PLCG2: variants seen among roughly 807,000 people sequenced by gnomAD.
PLCG2 encodes the protein phospholipase C gamma 2.
A neutral mutation model predicts 175.6 loss-of-function variants in PLCG2; 69 were observed. The observed-to-expected ratio is 0.39, with a 90% CI of 0.32 to 0.48. PLCG2 has a LOEUF of 0.48. PLCG2 is among the 20% of genes least tolerant of loss of function. The pLI is 0.91. For missense variants in PLCG2, 1,798 were observed against 1,650.9 expected (o/e 1.09, Z -1.54); for synonymous variants, 827 against 624.0 (o/e 1.33, Z -4.85).
At chr16:81,935,687 T>C in intron 26 of PLCG2, 5 of 985,356 alleles carry the variant, frequency 5.1e-6, no homozygotes, top group Non-Finnish European at 6.0e-6. Context: ...AGATGAGGCC[T>C]GTCCCCTTCC....
intron 1 of PLCG2, among the ~76,000 whole-genome samples, chr16:81,781,934 C>T (rs1404194459): frequency 6.1e-5 from 9 of 146,612 alleles, no homozygotes; most frequent in Non-Finnish European, 1.3e-4. Flanking sequence ...TGCAGTGGCG[C>T]GATCTCGGCT....
chr16:81,917,783 G>A (rs1214190332), intron 19 of PLCG2, among the ~76,000 whole-genome samples: 4 of 152,282 alleles, frequency 2.6e-5, no homozygotes, highest in Non-Finnish European at 4.4e-5. Flanking sequence ...GTGCAGTGGT[G>A]TGATCTCAGC....
At chr16:81,831,496 A>AG (rs1905257637) in intron 2 of PLCG2, among the ~76,000 whole-genome samples, 1 of 152,072 alleles carries the variant, frequency 6.6e-6, no homozygotes, top group Non-Finnish European at 1.5e-5. Flanking sequence ...GGCCCTCTCT[A>AG]TTTGTCTCAG....
At chr16:81,929,084 G>A (rs958304871) in intron 24 of PLCG2, among the ~76,000 whole-genome samples, 1 of 152,180 alleles carries the variant, frequency 6.6e-6, no homozygotes, top group Admixed American at 6.5e-5. Flanking sequence ...CTCGGCTGGG[G>A]CCCAGGAAAC....
At chr16:81,915,359 C>T (rs1008033304) in intron 19 of PLCG2, among the ~76,000 whole-genome samples, 13 of 152,202 alleles carry the variant, frequency 8.5e-5, no homozygotes, top group African/African-American at 3.1e-4. Context: ...GGAGAAACAC[C>T]TGCTTTCAAA....
intron 2 of PLCG2, among the ~76,000 whole-genome samples, chr16:81,786,400 A>G (rs1259434340): frequency 6.6e-6 from 1 of 152,216 alleles, no homozygotes; most frequent in African/African-American, 2.4e-5. Flanking sequence ...GAAAGAACTG[A>G]AGCTGAGGTC....
At chr16:81,934,360 A>G (rs1910622559) in intron 25 of PLCG2, 69 bp from the exon 26 acceptor site, 4 of 953,752 alleles carry the variant, frequency 4.2e-6, no homozygotes, top group Non-Finnish European at 5.1e-6. Flanking sequence ...GGAGGAGGAA[A>G]AATGCAGGGC....
intron 9 of PLCG2, among the ~76,000 whole-genome samples, chr16:81,883,815 A>G (rs1291905919): frequency 6.6e-6 from 1 of 152,214 alleles, no homozygotes; most frequent in Non-Finnish European, 1.5e-5. Flanking sequence ...TGCCTGGGAC[A>G]GTCTCCCTGG....
chr16:81,923,469 T>G lies in PLCG2; in HGVS notation c.2308-16T>G. The G allele has an allele frequency of 6.4e-7, 1 of 1,568,142 alleles. No homozygotes were observed. The stretch of plus-strand genomic sequence containing the variant: ...TGTCCCTGGCCTGACCTTTTCCTTC[T>G]TGTTTTCCCTGAAAGCCTCAGAGAA... On this transcript the variant is annotated splice_polypyrimidine_tract_variant and intron_variant, in intron 21 of 32. Transcript: ENST00000564138.
upstream of PLCG2, among the ~76,000 whole-genome samples, chr16:81,777,991 T>G (rs575507722): frequency 1.1e-5 from 1 of 94,378 alleles, no homozygotes; most frequent in Admixed American, 1.4e-4. Flanking sequence ...CACTCCAGCC[T>G]GGGCAAGAGA....
rs146038728 is a variant in PLCG2 at position 81,780,704 on chromosome 16, A to T, written c.-48+1280A>T. Among the ~76,000 whole-genome samples the T allele has an allele frequency of 6.6e-5, 10 of 152,318 alleles. No individual in the cohort carries two copies. In the Middle Eastern group the frequency reaches 0.014, roughly 207 times the overall value. ...CTTTTGCACTCATTGGGTAGAGTCA[A>T]TGAAAAGCTGCTGGTGAGAAAACTT... On this transcript the variant is annotated intron_variant, in intron 1 of 32. Transcript: ENST00000564138.
chr16:81,778,065 C>CA (rs1491296414), upstream of PLCG2, among the ~76,000 whole-genome samples: 903 of 32,214 alleles, frequency 0.028, 78 homozygotes, highest in South Asian at 0.12. Flanking sequence ...CAAAAAAAAC[C>CA]AAAAACACAC....
intron 2 of PLCG2, among the ~76,000 whole-genome samples, chr16:81,801,344 A>G (rs1911707811): frequency 6.6e-6 from 1 of 152,218 alleles, no homozygotes; most frequent in African/African-American, 2.4e-5. Flanking sequence ...ATTTTCATCC[A>G]TGATTAACAT....
chr16:81,824,067 T>TCCTTG (rs1224024385), intron 2 of PLCG2, among the ~76,000 whole-genome samples: 1 of 106,186 alleles, frequency 9.4e-6, no homozygotes, highest in African/African-American at 3.7e-5. Context: ...TCCTGTCCTG[T>TCCTTG]CCTGTCCTGT....
chr16:81,883,725 A>C, intron 9 of PLCG2: 1 of 275,388 alleles, frequency 3.6e-6, no homozygotes, highest in Non-Finnish European at 7.1e-6. Context: ...TCCTTGACTG[A>C]TGGGAGGATG....
intron 23 of PLCG2, among the ~76,000 whole-genome samples, chr16:81,927,932 G>A (rs11864384): frequency 6.6e-6 from 1 of 152,156 alleles, no homozygotes; most frequent in Non-Finnish European, 1.5e-5. Context: ...TGCTTCCTCT[G>A]TACTGAGTTG....
At chr16:81,883,363 G>A in intron 9 of PLCG2, 22 bp downstream of exon 9, 1 of 1,599,102 alleles carries the variant, frequency 6.3e-7, no homozygotes, top group Middle Eastern at 1.7e-4. Flanking sequence ...AGGTGTGTGG[G>A]TGCCTGAGGG....
chr16:81,836,012 G>A (rs775230982), intron 2 of PLCG2, among the ~76,000 whole-genome samples: 5 of 152,124 alleles, frequency 3.3e-5, no homozygotes, highest in Non-Finnish European at 5.9e-5. Context: ...TCCAAAGAAG[G>A]CCACATTCAC....
chr16:81,939,815 C>A, intron 29 of PLCG2, 77 bp from the exon 30 acceptor site: 1 of 941,386 alleles, frequency 1.1e-6, no homozygotes, highest in Non-Finnish European at 1.7e-6. Flanking sequence ...GGATTCACAG[C>A]TGAAGGATGC....
Sources: allele counts gnomAD v4.1 joint callset (sites outside exome capture counted in the v4.1 genomes callset), GRCh38; gene constraint gnomAD v4.1.1; transcripts MANE v1.5; gene names NCBI Gene and HGNC (gene_info 2026-07-23, HGNC 2026-07-21).